NRXN1: variants seen among roughly 807,000 people sequenced by gnomAD.
NRXN1 encodes neurexin 1.
NRXN1 carries 39 observed loss-of-function variants against 150.9 expected under a neutral mutation model. The ratio of observed to expected loss-of-function variants is 0.26; its 90% CI spans 0.20 to 0.34. The LOEUF is 0.34. Ranked by LOEUF, NRXN1 falls within the 10% of genes least tolerant of loss-of-function variation. NRXN1 has a pLI of 1.00. For synonymous variants in NRXN1, 924 were observed against 757.0 expected (o/e 1.22, Z -3.62); for missense variants, 1,815 against 1,949.9 (o/e 0.93, Z 1.30).
chr2:50,437,955 T>C (rs940489305), intron 17 of NRXN1, among the ~76,000 whole-genome samples: 5 of 152,176 alleles, frequency 3.3e-5, no homozygotes, highest in South Asian at 2.1e-4. Context: ...TGGGGACTGA[T>C]AGTGCAACAA....
chr2:50,697,004 T>G (rs948958082), intron 5 of NRXN1, among the ~76,000 whole-genome samples: 1 of 152,160 alleles, frequency 6.6e-6, no homozygotes, highest in African/African-American at 2.4e-5. Flanking sequence ...GCATATTACT[T>G]ACTTCAAGCA....
chr2:50,976,275 T>C (rs1002882129), intron 2 of NRXN1, among the ~76,000 whole-genome samples: 6 of 151,932 alleles, frequency 3.9e-5, no homozygotes, highest in African/African-American at 1.4e-4. Flanking sequence ...GATTCTTTCT[T>C]GTATTTCCTA....
intron 18 of NRXN1, among the ~76,000 whole-genome samples, chr2:50,167,738 A>T (rs1476023119): frequency 6.6e-6 from 1 of 152,178 alleles, no homozygotes; most frequent in Non-Finnish European, 1.5e-5. Flanking sequence ...ACAAATTTTG[A>T]TGCCTAGTTT....
At chr2:51,022,521 A>T (rs910537457) in intron 2 of NRXN1, among the ~76,000 whole-genome samples, 1 of 152,146 alleles carries the variant, frequency 6.6e-6, no homozygotes, top group African/African-American at 2.4e-5. Context: ...TAGTCAAAAT[A>T]AACTTTTTAA....
At chr2:50,069,704 G>C (rs2177374) in intron 19 of NRXN1, among the ~76,000 whole-genome samples, 100,605 of 151,746 alleles carry the variant, frequency 0.66, 33,811 homozygotes, top group African/African-American at 0.76. Context: ...TTTCCACTTT[G>C]TGCTATACAG....
At chr2:50,151,425 A>T (rs983245834) in intron 18 of NRXN1, among the ~76,000 whole-genome samples, 2 of 151,790 alleles carry the variant, frequency 1.3e-5, no homozygotes, top group African/African-American at 2.4e-5. Context: ...AGTATGCACC[A>T]GTATAGCATT....
intron 15 of NRXN1, among the ~76,000 whole-genome samples, chr2:50,487,600 C>G (rs1164240590): frequency 1.3e-5 from 2 of 152,176 alleles, no homozygotes; most frequent in South Asian, 4.2e-4. Context: ...TGTTTTAAGC[C>G]CACCCAACTT....
chr2:50,490,517 C>T (rs1170946431), intron 15 of NRXN1, among the ~76,000 whole-genome samples: 2 of 152,150 alleles, frequency 1.3e-5, no homozygotes, highest in East Asian at 3.9e-4. Flanking sequence ...GGTCCACACA[C>T]TGTATTAAAC....
chr2:50,206,361 T>A (rs543448140), intron 18 of NRXN1, among the ~76,000 whole-genome samples: 20 of 152,188 alleles, frequency 1.3e-4, no homozygotes, highest in Admixed American at 4.6e-4. Context: ...TTTGAAATTA[T>A]CCAATTGGCA....
intron 17 of NRXN1, among the ~76,000 whole-genome samples, chr2:50,414,411 T>C (rs781771128): frequency 2.0e-5 from 3 of 152,108 alleles, no homozygotes; most frequent in African/African-American, 7.2e-5. Context: ...TTTCGAAATA[T>C]ACCCCATAAA....
At chr2:50,631,877 C>G (rs1201650475) in intron 5 of NRXN1, among the ~76,000 whole-genome samples, 1 of 151,830 alleles carries the variant, frequency 6.6e-6, no homozygotes, top group African/African-American at 2.4e-5. Flanking sequence ...ACAATGTAAT[C>G]TATAAGAACT....
intron 2 of NRXN1, among the ~76,000 whole-genome samples, chr2:51,007,615 T>A (rs942732696): frequency 3.3e-5 from 5 of 151,946 alleles, no homozygotes; most frequent in Non-Finnish European, 7.4e-5. Flanking sequence ...ATTGATTGGA[T>A]AGTTTTTGAT....
intron 5 of NRXN1, among the ~76,000 whole-genome samples, chr2:50,631,842 G>T (rs1682377686): frequency 6.6e-6 from 1 of 151,818 alleles, no homozygotes; most frequent in Non-Finnish European, 1.5e-5. Flanking sequence ...TTCAATTTCT[G>T]GGACTGACTC....
At chr2:50,263,860 T>G (rs950314666) in intron 17 of NRXN1, among the ~76,000 whole-genome samples, 12 of 152,128 alleles carry the variant, frequency 7.9e-5, no homozygotes, top group Non-Finnish European at 2.9e-5. Context: ...ATTGGCTATT[T>G]GGCTTGGGAC....
At chr2:50,089,401 C>G (rs1437232199) in intron 19 of NRXN1, among the ~76,000 whole-genome samples, 1 of 152,210 alleles carries the variant, frequency 6.6e-6, no homozygotes, top group Non-Finnish European at 1.5e-5. Context: ...GACTTTCTCT[C>G]AGCAAATAGG....
chr2:50,851,921 A>G (rs1236501308), intron 5 of NRXN1, among the ~76,000 whole-genome samples: 1 of 152,184 alleles, frequency 6.6e-6, no homozygotes, highest in Non-Finnish European at 1.5e-5. Context: ...AAAGAGAGTA[A>G]GATACTCTTA....
chr2:50,721,737 T>C (rs1371627401), intron 5 of NRXN1, among the ~76,000 whole-genome samples: 1 of 152,212 alleles, frequency 6.6e-6, no homozygotes, highest in Non-Finnish European at 1.5e-5. Flanking sequence ...TACATTATTT[T>C]ATTTTACTTC....
At chr2:50,523,133 T>G (rs1430251581) in intron 12 of NRXN1, among the ~76,000 whole-genome samples, 1 of 75,048 alleles carries the variant, frequency 1.3e-5, no homozygotes, top group Non-Finnish European at 2.6e-5. Context: ...TCTTTACATT[T>G]TACATGCAAT....
In NRXN1 at chr2:49,921,385, A is replaced by G. The variant is rs1668171894; in HGVS notation, c.*559T>C. The G allele has an allele frequency of 6.5e-6, 1 of 152,706 alleles. No homozygotes were observed. Among genetic ancestry groups the G allele is most frequent in the Non-Finnish European group, 1.5e-5 (1 of 68,130 alleles). The allele number at this position is 152,706 out of a possible 1,614,324, so 9.5% of individuals were successfully genotyped here. On this transcript the variant is annotated 3_prime_UTR_variant, in exon 23 of 23. Coordinates refer to ENST00000401669, the MANE Select transcript of NRXN1 (RefSeq NM_001330078.2). The stretch of plus-strand genomic sequence containing the variant: ...GGCTTTTTGAATGTGTTCCTACACA[A>G]GTCTTCAAAAAAGCCAGCACTTTGT...
Sources: gnomAD v4.1 joint callset for allele counts (sites outside exome capture counted in the v4.1 genomes callset) on GRCh38, gnomAD v4.1.1 for gene constraint, MANE v1.5 for transcripts, NCBI Gene and HGNC (gene_info 2026-07-23, HGNC 2026-07-21) for gene names.